Variants in COA1 observed in about 807,000 individuals in gnomAD.
COA1 encodes cytochrome c oxidase assembly factor 1.
A neutral mutation model predicts 16.0 loss-of-function variants in COA1; 13 were observed. The ratio of observed to expected loss-of-function variants is 0.81; its 90% CI spans 0.53 to 1.29. The LOEUF is 1.29. Ranked by LOEUF, COA1 falls within the 50% of genes most tolerant of loss-of-function variation. COA1 has a pLI of 0.00. For synonymous variants in COA1, 65 were observed against 65.7 expected, an observed-to-expected ratio of 0.99 and a Z score of 0.05; for missense variants, 179 against 177.0, an observed-to-expected ratio of 1.01 and a Z score of -0.06.
downstream of COA1, among the ~76,000 whole-genome samples, chr7:43,637,631 T>G (rs1302873529): frequency 6.6e-6 from 1 of 152,190 alleles, no homozygotes; most frequent in African/African-American, 2.4e-5. Flanking sequence ...GGAAAGACAG[T>G]GTCTACTGCA....
intron 1 of COA1, among the ~76,000 whole-genome samples, chr7:43,666,644 T>G (rs2092912400): frequency 6.6e-6 from 1 of 152,190 alleles, no homozygotes; most frequent in Non-Finnish European, 1.5e-5. Flanking sequence ...AAATAGGTGG[T>G]CTAAATCATA....
At chr7:43,686,435 T>G (rs1584980232) in intron 1 of COA1, among the ~76,000 whole-genome samples, 1 of 151,144 alleles carries the variant, frequency 6.6e-6, no homozygotes, top group African/African-American at 2.4e-5. Context: ...GCCTCCCGAG[T>G]AGCTGGGACT....
chr7:43,612,306 G>C (rs1220596603), intron 6 of COA1, among the ~76,000 whole-genome samples: 1 of 152,322 alleles, frequency 6.6e-6, no homozygotes, highest in East Asian at 1.9e-4. Flanking sequence ...GGAGAGGATA[G>C]AGATGGGGTT....
chr7:43,706,645 G>C (rs1006503107), intron 1 of COA1, among the ~76,000 whole-genome samples: 3 of 152,176 alleles, frequency 2.0e-5, no homozygotes, highest in Non-Finnish European at 4.4e-5. Context: ...AAGGTCAGCA[G>C]GTCACTTGAG....
At chr7:43,703,023 C>T (rs1002829476) in intron 1 of COA1, among the ~76,000 whole-genome samples, 3 of 152,054 alleles carry the variant, frequency 2.0e-5, no homozygotes, top group Non-Finnish European at 4.4e-5. Context: ...TAGTTGTGTC[C>T]CAAGGATTCT....
chr7:43,653,078 C>T (rs949955253), intron 1 of COA1, among the ~76,000 whole-genome samples: 7 of 152,012 alleles, frequency 4.6e-5, no homozygotes, highest in Non-Finnish European at 1.0e-4. Flanking sequence ...TTTGGGAGGC[C>T]GAGGCGGGTG....
intron 1 of COA1, among the ~76,000 whole-genome samples, chr7:43,702,325 T>C (rs1392723525): frequency 1.3e-5 from 2 of 152,306 alleles, no homozygotes; most frequent in South Asian, 2.1e-4. Context: ...GAGCCAGTTA[T>C]TCCAGCACTA....
At chr7:43,709,759 T>C (rs577641176) in intron 1 of COA1, among the ~76,000 whole-genome samples, 1 of 152,198 alleles carries the variant, frequency 6.6e-6, no homozygotes, top group Non-Finnish European at 1.5e-5. Context: ...TTGGCTCTTC[T>C]TGGCCTTCTG....
intron 1 of COA1, among the ~76,000 whole-genome samples, chr7:43,654,200 T>C (rs1206032081): frequency 2.0e-5 from 3 of 152,168 alleles, no homozygotes; most frequent in Non-Finnish European, 4.4e-5. Context: ...GGAAACAGGC[T>C]GGCCAGCCCC....
intron 1 of COA1, among the ~76,000 whole-genome samples, chr7:43,656,612 T>G (rs1426939096): frequency 6.6e-6 from 1 of 152,182 alleles, no homozygotes; most frequent in Admixed American, 6.5e-5. Flanking sequence ...GAGAAATCAC[T>G]TGAACCCAAG....
intron 1 of COA1, among the ~76,000 whole-genome samples, chr7:43,716,297 T>C (rs746632717): frequency 3.4e-4 from 52 of 152,234 alleles, no homozygotes; most frequent in Non-Finnish European, 7.1e-4. Flanking sequence ...GTTGAATGGA[T>C]TTGACAAAAA....
intron 1 of COA1, among the ~76,000 whole-genome samples, chr7:43,691,299 AAGAAAGAAAGAAAGAAAGAAAG>A: frequency 9.4e-6 from 1 of 106,722 alleles, no homozygotes; most frequent in Admixed American, 9.9e-5. Flanking sequence ...GAAAGAAAGA[AAGAAAGAAAGAAAGAAAGAAAG>A]AAAGAAAGAG....
chr7:43,695,605 G>C (rs925147993), intron 1 of COA1, among the ~76,000 whole-genome samples: 5 of 152,026 alleles, frequency 3.3e-5, no homozygotes, highest in African/African-American at 1.2e-4. Flanking sequence ...TTGAATGAAT[G>C]AATGAATAGT....
chr7:43,698,357 C>T (rs2094593851), intron 1 of COA1, among the ~76,000 whole-genome samples: 1 of 152,134 alleles, frequency 6.6e-6, no homozygotes. Flanking sequence ...TTTTTTAAAT[C>T]TCAAATGTGA....
intron 6 of COA1, among the ~76,000 whole-genome samples, chr7:43,620,240 G>A (rs900019563): frequency 5.3e-5 from 8 of 152,300 alleles, no homozygotes; most frequent in East Asian, 3.9e-4. Context: ...GGGTGTAGGC[G>A]TATCATCAAA....
intron 1 of COA1, among the ~76,000 whole-genome samples, chr7:43,671,130 A>G (rs4458767): frequency 0.83 from 125,762 of 152,144 alleles, 52,414 homozygotes; most frequent in African/African-American, 0.94. Flanking sequence ...CACAAAAATC[A>G]ACTGAAAATG....
intron 6 of COA1, among the ~76,000 whole-genome samples, chr7:43,611,988 G>A (rs1395758652): frequency 6.6e-6 from 1 of 152,182 alleles, no homozygotes; most frequent in Admixed American, 6.5e-5. Flanking sequence ...CATCAAAGGT[G>A]AATATTAAGT....
intron 1 of COA1, among the ~76,000 whole-genome samples, chr7:43,663,666 C>CA (rs759423078): frequency 0.35 from 24,371 of 70,508 alleles, 4,385 homozygotes; most frequent in South Asian, 0.44. Flanking sequence ...GACCCTATCT[C>CA]AAAAAAAAAA....
intron 1 of COA1, among the ~76,000 whole-genome samples, chr7:43,721,239 G>A (rs375587045): frequency 6.6e-6 from 1 of 152,214 alleles, no homozygotes. Context: ...ACAAGAATAA[G>A]ATGAATTTTG....
Sources: allele counts gnomAD v4.1 joint callset (sites outside exome capture counted in the v4.1 genomes callset), GRCh38; gene constraint gnomAD v4.1.1; transcripts MANE v1.5; gene names NCBI Gene and HGNC (gene_info 2026-07-23, HGNC 2026-07-21).